The following ARL8B variants were observed in gnomAD, a reference collection of about 807,000 sequenced individuals.
The protein encoded by ARL8B is ADP-ribosylation factor-like protein 8B.
A neutral mutation model predicts 30.6 loss-of-function variants in ARL8B; 9 were observed. That is an observed-to-expected ratio of 0.29 (90% CI 0.18 to 0.51). The LOEUF (loss-of-function observed/expected upper bound fraction) is 0.51. ARL8B is among the 20% of genes least tolerant of loss of function. The pLI, the probability that ARL8B is intolerant of heterozygous loss-of-function variation, is 0.97. For synonymous variants in ARL8B, 74 were observed against 76.0 expected (o/e 0.97, Z 0.14); for missense variants, 130 against 227.2 (o/e 0.57, Z 2.75).
intron 6 of ARL8B, among the ~76,000 whole-genome samples, chr3:5,177,133 C>A (rs1200063493): frequency 6.6e-6 from 1 of 151,834 alleles, no homozygotes; most frequent in Non-Finnish European, 1.5e-5. Flanking sequence ...GAAAAAAAAA[C>A]AAAATCTCTT....
intron 1 of ARL8B, among the ~76,000 whole-genome samples, chr3:5,141,086 C>T (rs1462042340): frequency 6.6e-6 from 1 of 152,160 alleles, no homozygotes; most frequent in Non-Finnish European, 1.5e-5. Flanking sequence ...TACCGTGGTC[C>T]CTTTCCCCAC....
At chr3:5,142,985 C>A (rs1307846652) in intron 1 of ARL8B, among the ~76,000 whole-genome samples, 1 of 152,202 alleles carries the variant, frequency 6.6e-6, no homozygotes, top group African/African-American at 2.4e-5. Flanking sequence ...TGTTTACTGT[C>A]CAACCCTGAA....
intron 1 of ARL8B, among the ~76,000 whole-genome samples, chr3:5,152,633 G>A (rs1327723039): frequency 1.3e-5 from 2 of 152,146 alleles, no homozygotes; most frequent in African/African-American, 2.4e-5. Flanking sequence ...CTAAGGGCGC[G>A]TGCCGCCACA....
chr3:5,174,185 A>G, intron 5 of ARL8B, 101 bp downstream of exon 5: 1 of 1,200,160 alleles, frequency 8.3e-7, no homozygotes, highest in Non-Finnish European at 1.2e-6. Flanking sequence ...TTTTTTAGGT[A>G]GATAAAAGTT....
At chr3:5,136,715 A>G (rs1362882411) in intron 1 of ARL8B, among the ~76,000 whole-genome samples, 4 of 152,184 alleles carry the variant, frequency 2.6e-5, no homozygotes, top group African/African-American at 9.7e-5. Flanking sequence ...GCAGAAGGAT[A>G]GAGGAAGTAG....
In ARL8B at chr3:5,133,012, T is replaced by C. The variant is rs72643478; in HGVS notation, c.123+10424T>C. ...AGGAATTTCATTTATTCAACAAATA[T>C]GTCAAGCAGTGTTTTGGGCAGCATA... On this transcript the variant is annotated intron_variant, in intron 1 of 6. Coordinates refer to ENST00000256496, the MANE Select transcript of ARL8B (RefSeq NM_018184.3). Among the ~76,000 whole-genome samples the C allele has an allele frequency of 0.02, 3,063 of 152,242 alleles. 260 individuals are homozygous for C. The East Asian group carries it at 0.23, about 11-fold the overall frequency.
At chr3:5,135,746 C>T (rs1227165582) in intron 1 of ARL8B, among the ~76,000 whole-genome samples, 4 of 144,686 alleles carry the variant, frequency 2.8e-5, no homozygotes, top group East Asian at 2.0e-4. Context: ...CGTGAGCCAC[C>T]GCACCTGGCC....
intron 1 of ARL8B, among the ~76,000 whole-genome samples, chr3:5,137,290 A>G (rs1031491476): frequency 1.3e-5 from 2 of 152,022 alleles, no homozygotes; most frequent in African/African-American, 2.4e-5. Flanking sequence ...GGGCAGGATC[A>G]TGTGCTCTAC....
chr3:5,140,797 A>G (rs3796335), intron 1 of ARL8B, among the ~76,000 whole-genome samples: 52,428 of 151,964 alleles, frequency 0.35, 9,453 homozygotes, highest in African/African-American at 0.47. Flanking sequence ...TACCAATAAC[A>G]TTCTGGTGGG....
At chr3:5,162,089 A>G (rs2054589291) in intron 1 of ARL8B, among the ~76,000 whole-genome samples, 1 of 152,220 alleles carries the variant, frequency 6.6e-6, no homozygotes, top group Non-Finnish European at 1.5e-5. Context: ...AGGCACACAA[A>G]ATGCATCTGT....
At chr3:5,177,355 T>G (rs2054739227) in intron 6 of ARL8B, among the ~76,000 whole-genome samples, 1 of 152,218 alleles carries the variant, frequency 6.6e-6, no homozygotes, top group Admixed American at 6.5e-5. Flanking sequence ...TCTGAGTATC[T>G]TATTTCTGTT....
At chr3:5,153,078 C>T (rs2054498314) in intron 1 of ARL8B, among the ~76,000 whole-genome samples, 1 of 152,070 alleles carries the variant, frequency 6.6e-6, no homozygotes, top group Non-Finnish European at 1.5e-5. Flanking sequence ...AGTGGTTCTT[C>T]TAGAGTTTAC....
At chr3:5,126,335 C>G (rs1302892826) in intron 1 of ARL8B, among the ~76,000 whole-genome samples, 2 of 152,062 alleles carry the variant, frequency 1.3e-5, no homozygotes, top group East Asian at 3.8e-4. Flanking sequence ...ATCAGAAATA[C>G]AGATGTATTG....
intron 1 of ARL8B, among the ~76,000 whole-genome samples, chr3:5,133,929 G>C (rs1166743820): frequency 1.3e-5 from 2 of 152,048 alleles, no homozygotes; most frequent in African/African-American, 4.8e-5. Flanking sequence ...AGTGAGACCA[G>C]GTCTCCCCTG....
intron 1 of ARL8B, among the ~76,000 whole-genome samples, chr3:5,131,979 G>A (rs1344556314): frequency 2.6e-5 from 4 of 152,114 alleles, no homozygotes; most frequent in African/African-American, 9.7e-5. Context: ...AACCTCTTGG[G>A]TTCAAGCAGT....
intron 1 of ARL8B, among the ~76,000 whole-genome samples, chr3:5,141,161 T>G (rs2054370194): frequency 6.6e-6 from 1 of 152,216 alleles, no homozygotes; most frequent in Non-Finnish European, 1.5e-5. Flanking sequence ...TCCTCTACAT[T>G]CTGTTCACTT....
intron 6 of ARL8B, among the ~76,000 whole-genome samples, chr3:5,175,185 G>A (rs530533596): frequency 2.6e-5 from 4 of 152,160 alleles, no homozygotes; most frequent in African/African-American, 9.6e-5. Flanking sequence ...CCCTCATTTC[G>A]TTCAGCGTTA....
chr3:5,173,564 G>A (rs370504957), intron 4 of ARL8B, among the ~76,000 whole-genome samples: 1 of 152,016 alleles, frequency 6.6e-6, no homozygotes, highest in Non-Finnish European at 1.5e-5. Context: ...GTGAAACCCC[G>A]TCTCTACTAC....
intron 1 of ARL8B, among the ~76,000 whole-genome samples, chr3:5,125,599 C>T (rs1468418600): frequency 6.6e-6 from 1 of 150,416 alleles, no homozygotes; most frequent in African/African-American, 2.5e-5. Flanking sequence ...GTGGCATGAT[C>T]TTGGCTCACT....
Sources: allele counts gnomAD v4.1 joint callset (sites outside exome capture counted in the v4.1 genomes callset), GRCh38; gene constraint gnomAD v4.1.1; transcripts MANE v1.5; gene names NCBI Gene and HGNC (gene_info 2026-07-23, HGNC 2026-07-21).